Variants in AGAP1 observed in about 807,000 individuals in gnomAD.
AGAP1 encodes ArfGAP with GTPase domain, ankyrin repeat and PH domain 1.
Under a neutral mutation model 105.3 loss-of-function variants are expected in AGAP1, and 29 were observed. The ratio of observed to expected loss-of-function variants is 0.28; its 90% CI spans 0.21 to 0.38. The LOEUF (loss-of-function observed/expected upper bound fraction) is 0.38, where lower values mean the gene tolerates loss of function less well. AGAP1 is among the 10% of genes least tolerant of loss of function. The pLI is 1.00. For synonymous variants in AGAP1, 509 were observed against 485.9 expected, an observed-to-expected ratio of 1.05 and a Z score of -0.63; for missense variants, 998 against 1,165.1, an observed-to-expected ratio of 0.86 and a Z score of 2.09.
At chr2:235,524,777 T>C (rs879568998) in intron 1 of AGAP1, among the ~76,000 whole-genome samples, 48 of 152,186 alleles carry the variant, frequency 3.2e-4, no homozygotes, top group Non-Finnish European at 5.6e-4. Context: ...CATTGGCTTG[T>C]CTTGGACCCA....
intron 11 of AGAP1, among the ~76,000 whole-genome samples, chr2:235,909,959 T>A (rs2051497531): frequency 6.6e-6 from 1 of 151,970 alleles, no homozygotes; most frequent in Non-Finnish European, 1.5e-5. Context: ...AGGCAGAGGT[T>A]GCAGTGAGCC....
intron 1 of AGAP1, among the ~76,000 whole-genome samples, chr2:235,525,292 C>G (rs536172634): frequency 1.1e-4 from 16 of 151,790 alleles, no homozygotes; most frequent in Non-Finnish European, 1.6e-4. Context: ...ATGTGGAGGA[C>G]TGATACATAA....
chr2:236,101,638 C>T lies in AGAP1; in HGVS notation c.2115-18554C>T, dbSNP rs1559276509. ...CGGGATCCGGAGCGGAGGAAAAGGG[C>T]CATTTCTCTTCCCTTATCTGTTTAT... On this transcript the variant is annotated intron_variant, in intron 16 of 17. Coordinates refer to ENST00000304032, the MANE Select transcript of AGAP1 (RefSeq NM_001037131.3). This position sits in a 1 kb window ranked among gnomAD's most constrained non-coding sequence, Gnocchi z 4.9. 6.6e-6 allele frequency among the ~76,000 whole-genome samples: 1 copy of T among 152,168 alleles called. No homozygotes were observed. Among genetic ancestry groups the T allele is most frequent in the Non-Finnish European group, 1.5e-5 (1 of 68,042 alleles).
chr2:235,682,593 C>T (rs1418193567), intron 1 of AGAP1, among the ~76,000 whole-genome samples: 1 of 151,562 alleles, frequency 6.6e-6, no homozygotes, highest in Non-Finnish European at 1.5e-5. Flanking sequence ...GATCCTCGCA[C>T]CTTAGCCTCC....
rs2149995461 is a variant in AGAP1 at position 235,789,056 on chromosome 2, T to G, written c.674-8703T>G. The stretch of plus-strand genomic sequence containing the variant: ...AAGGAACTATTGTGCTTTGAAGGAG[T>G]GCATGGAAGAGGAAGGGATGTGTGT... On this transcript the variant is annotated intron_variant, in intron 6 of 17. Coordinates refer to ENST00000304032, the MANE Select transcript of AGAP1 (RefSeq NM_001037131.3). This position sits in a 1 kb window ranked among gnomAD's most constrained non-coding sequence, Gnocchi z 4.2. Among the ~76,000 whole-genome samples, 1 of 152,254 alleles carries G rather than the reference T, an allele frequency of 6.6e-6. No individual in the cohort carries two copies. Among genetic ancestry groups the G allele is most frequent in the South Asian group, 2.1e-4 (1 of 4,818 alleles).
rs1010089497 is a variant in AGAP1 at position 235,747,735 on chromosome 2, C to T, written c.539-2619C>T. On this transcript the variant is annotated intron_variant, in intron 5 of 17. Coordinates refer to ENST00000304032, the MANE Select transcript of AGAP1 (RefSeq NM_001037131.3). The surrounding 1 kb of genome is among the most constrained non-coding windows in gnomAD (Gnocchi z 5.0). ...ACTTGCTCTCCGTGAAGCCCGTGCT[C>T]GGCTGCTCTTTCAGGGGTTTGGCTT... Among the ~76,000 whole-genome samples the T allele has an allele frequency of 2.6e-5, 4 of 152,214 alleles. No individual in the cohort carries two copies. The highest frequency in any genetic ancestry group is 4.4e-5 in the Non-Finnish European group (3 of 68,034).
At chr2:235,548,677 G>A (rs969190547) in intron 1 of AGAP1, among the ~76,000 whole-genome samples, 3 of 148,154 alleles carry the variant, frequency 2.0e-5, no homozygotes, top group African/African-American at 5.0e-5. Flanking sequence ...AAAATGCCAC[G>A]ATGTATGAAG....
At chr2:235,743,789 T>G (rs1400576242) in intron 4 of AGAP1, among the ~76,000 whole-genome samples, 1 of 152,220 alleles carries the variant, frequency 6.6e-6, no homozygotes, top group Non-Finnish European at 1.5e-5. Context: ...GATTTCGGTT[T>G]TGTTTTTCAA....
intron 1 of AGAP1, among the ~76,000 whole-genome samples, chr2:235,575,816 T>C (rs1355142586): frequency 6.6e-6 from 1 of 152,252 alleles, no homozygotes; most frequent in Non-Finnish European, 1.5e-5. Context: ...GTCCTTTTTC[T>C]TTCCGTAAAA....
chr2:235,899,643 T>C (rs1332416629), intron 10 of AGAP1, among the ~76,000 whole-genome samples: 3 of 152,230 alleles, frequency 2.0e-5, no homozygotes, highest in Non-Finnish European at 4.4e-5. Context: ...AGTCAAAATT[T>C]CTAGGATCTA....
At chr2:236,026,873 C>T (rs867529561) in intron 13 of AGAP1, among the ~76,000 whole-genome samples, 32 of 152,306 alleles carry the variant, frequency 2.1e-4, no homozygotes, top group African/African-American at 6.5e-4. Context: ...GAGACCCTTC[C>T]AGCCCCTATG....
In AGAP1 at chr2:235,893,260, T is replaced by G. The variant is rs553434788; in HGVS notation, c.1155+9811T>G. Reference sequence around the variant, plus strand: ...TAGCGCGGGTGTGCCATGTCCATCATAAGGAAGCGCCGTGTCTGTAGCGTG... The same window carrying G: ...TAGCGCGGGTGTGCCATGTCCATCAGAAGGAAGCGCCGTGTCTGTAGCGTG... On this transcript the variant is annotated intron_variant, in intron 10 of 17. Transcript: ENST00000304032. This position sits in a 1 kb window ranked among gnomAD's most constrained non-coding sequence, Gnocchi z 4.7. Among the ~76,000 whole-genome samples the G allele has an allele frequency of 2.0e-5, 3 of 150,584 alleles. No individual in the cohort carries two copies. The highest frequency in any genetic ancestry group is 2.0e-4 in the Admixed American group (3 of 15,150).
chr2:235,838,505 C>T (rs953210952), intron 9 of AGAP1, among the ~76,000 whole-genome samples: 1 of 152,118 alleles, frequency 6.6e-6, no homozygotes, highest in African/African-American at 2.4e-5. Context: ...ATAATTTGCT[C>T]CAAAATATTA....
chr2:236,065,239 G>A (rs1406867651), intron 16 of AGAP1, among the ~76,000 whole-genome samples: 1 of 152,222 alleles, frequency 6.6e-6, no homozygotes, highest in Non-Finnish European at 1.5e-5. Context: ...GCCAAGCCAA[G>A]GGAAGTTCAA....
At chr2:235,651,953 C>T (rs889604120) in intron 1 of AGAP1, among the ~76,000 whole-genome samples, 3 of 152,204 alleles carry the variant, frequency 2.0e-5, no homozygotes, top group Admixed American at 6.5e-5. Context: ...CCCTGTTTTA[C>T]AGCAAGTGTC....
chr2:235,962,837 T>C lies in AGAP1; in HGVS notation c.1484-5625T>C, dbSNP rs932540142. On this transcript the variant is annotated intron_variant, in intron 12 of 17. Coordinates refer to ENST00000304032, the MANE Select transcript of AGAP1 (RefSeq NM_001037131.3). The surrounding 1 kb of genome is among the most constrained non-coding windows in gnomAD (Gnocchi z 5.3). Reference sequence around the variant, plus strand: ...GTGGCAGGGGCTGTCCTGTGCATTGTAGGGCATTTTTCAGCACCTCTGGCT... The same window carrying C: ...GTGGCAGGGGCTGTCCTGTGCATTGCAGGGCATTTTTCAGCACCTCTGGCT... Among the ~76,000 whole-genome samples, 8 of 152,154 alleles carry C rather than the reference T, an allele frequency of 5.3e-5. No individual in the cohort carries two copies. The highest frequency in any genetic ancestry group is 2.6e-4 in the Admixed American group (4 of 15,280).
At position 236,126,999 on chromosome 2, in the gene AGAP1, G is replaced by A. The variant is rs2060014182; in HGVS notation, c.*2877G>A. ...ATGTTCAGTTCTGTGACGTGACGAT[G>A]ACAGATCACCACTGCAGGATCCCCC... On this transcript the variant is annotated 3_prime_UTR_variant, in exon 18 of 18. Transcript: ENST00000304032. 1 of 152,296 alleles carries A rather than the reference G, an allele frequency of 6.6e-6. No homozygotes were observed. The highest frequency in any genetic ancestry group is 2.4e-5 in the African/African-American group (1 of 41,454). The allele number at this position is 152,296 out of a possible 1,614,324, so 9.4% of individuals were successfully genotyped here.
intron 10 of AGAP1, among the ~76,000 whole-genome samples, chr2:235,907,449 T>G (rs1452287244): frequency 6.6e-6 from 1 of 152,182 alleles, no homozygotes; most frequent in Non-Finnish European, 1.5e-5. Flanking sequence ...CTAAAAAAAT[T>G]AATAAATGAA....
rs71913214 is a variant in AGAP1 at position 235,872,260 on chromosome 2, T to TA, written c.1051-11074dup. On this transcript the variant is annotated intron_variant, in intron 9 of 17. Transcript: ENST00000304032. The surrounding 1 kb of genome is among the most constrained non-coding windows in gnomAD (Gnocchi z 4.5). ...GAGTGAGCCCAATATTGCATAGAAATAAAAAAAAAAAGTTCTAAATAAATG... is the reference window on the plus strand; with the variant it reads ...GAGTGAGCCCAATATTGCATAGAAATAAAAAAAAAAAAGTTCTAAATAAATG... Among the ~76,000 whole-genome samples, 54 of 144,238 alleles carry TA rather than the reference T, an allele frequency of 3.7e-4. No individual in the cohort carries two copies. Among genetic ancestry groups the TA allele is most frequent in the East Asian group, 2.2e-3 (11 of 4,944 alleles). 94.6% of individuals were successfully genotyped at this position (144,238 alleles called of 152,430 possible). A position where few individuals can be genotyped will look rare whatever the true frequency, so the allele number is the denominator to read the frequency against.
Sources: allele counts gnomAD v4.1 joint callset (sites outside exome capture counted in the v4.1 genomes callset), GRCh38; gene constraint gnomAD v4.1.1; non-coding constraint Gnocchi (gnomAD v3.1); transcripts MANE v1.5; gene names NCBI Gene and HGNC (gene_info 2026-07-23, HGNC 2026-07-21).